LIMA1: variants seen among roughly 807,000 people sequenced by gnomAD.
LIMA1 encodes the protein LIM domain and actin binding 1.
A neutral mutation model predicts 62.6 loss-of-function variants in LIMA1; 52 were observed. The ratio of observed to expected loss-of-function variants is 0.83; its 90% CI spans 0.67 to 1.05. The LOEUF (loss-of-function observed/expected upper bound fraction) is 1.05. Ranked by LOEUF, LIMA1 falls within the 50% of genes least tolerant of loss-of-function variation. The pLI is 0.00. For missense variants in LIMA1, 780 were observed against 902.2 expected, an observed-to-expected ratio of 0.86 and a Z score of 1.74; for synonymous variants, 302 against 317.8, an observed-to-expected ratio of 0.95 and a Z score of 0.53.
chr12:50,191,648 C>T (rs533415156), intron 9 of LIMA1, among the ~76,000 whole-genome samples: 224 of 147,614 alleles, frequency 1.5e-3, no homozygotes, highest in African/African-American at 5.5e-3. Context: ...GGTGAAACCC[C>T]GTCTCTACTA....
chr12:50,222,813 G>GA (rs760759868), intron 3 of LIMA1: 2 of 669,808 alleles, frequency 3.0e-6, no homozygotes, highest in Admixed American at 4.6e-5. Flanking sequence ...GATTAATGGG[G>GA]AAAAAAACAA....
At chr12:50,228,927 G>A (rs542204646) in intron 3 of LIMA1, among the ~76,000 whole-genome samples, 14 of 152,146 alleles carry the variant, frequency 9.2e-5, no homozygotes, top group Admixed American at 1.3e-4. Context: ...CTGCTATATT[G>A]CCCAGGCTGA....
intron 1 of LIMA1, among the ~76,000 whole-genome samples, chr12:50,254,053 G>T (rs1941963413): frequency 6.7e-6 from 1 of 148,410 alleles, no homozygotes; most frequent in South Asian, 2.1e-4. Context: ...AAAAAGAAAG[G>T]TATATTATCT....
chr12:50,186,712 C>T (rs1940639335), intron 9 of LIMA1: 1 of 152,170 alleles, frequency 6.6e-6, no homozygotes, highest in Admixed American at 6.5e-5. Context: ...CTCATGGCCT[C>T]CTAGACATCA....
intron 1 of LIMA1, among the ~76,000 whole-genome samples, chr12:50,251,798 G>C (rs1200821179): frequency 6.6e-6 from 1 of 152,142 alleles, no homozygotes; most frequent in Non-Finnish European, 1.5e-5. Flanking sequence ...TATACAGCTA[G>C]GAGAGGCACA....
intron 7 of LIMA1, among the ~76,000 whole-genome samples, chr12:50,199,510 A>G (rs2138461912): frequency 6.6e-6 from 1 of 152,222 alleles, no homozygotes; most frequent in East Asian, 1.9e-4. Context: ...AGTCAGGTTA[A>G]ATATCTTTGC....
At position 50,176,042 on chromosome 12, in the gene LIMA1, C is replaced by A. The variant is rs931298620; in HGVS notation, c.*1022G>T. On this transcript the variant is annotated 3_prime_UTR_variant, in exon 11 of 11. Coordinates refer to ENST00000341247, the MANE Select transcript of LIMA1 (RefSeq NM_016357.5). ...TAGAAAATCATCCCAAGAAAAAGGC[C>A]TATAGTTGGTTTAATTTCACCCTGA... 2.0e-5 allele frequency: 3 copies of A among 152,064 alleles called. No individual in the cohort carries two copies. Among genetic ancestry groups the A allele is most frequent in the African/African-American group, 7.2e-5 (3 of 41,384 alleles). The allele number at this position is 152,064 out of a possible 1,614,324, so 9.4% of individuals were successfully genotyped here. A position where few individuals can be genotyped will look rare whatever the true frequency, so the allele number is the denominator to read the frequency against.
In LIMA1 at chr12:50,196,087, C is replaced by G. The variant is rs185983765; in HGVS notation, c.973-200G>C. ...TGTCTTTTATGAGGATATTAACATG[C>G]CTCTCAATTACAGAGTAACCCGAGA... On this transcript the variant is annotated intron_variant, in intron 7 of 10. Coordinates refer to ENST00000341247, the MANE Select transcript of LIMA1 (RefSeq NM_016357.5). 1.2e-3 allele frequency: 612 copies of G among 511,412 alleles called. 3 individuals carry two copies. Among genetic ancestry groups the G allele is most frequent in the African/African-American group, 0.01 (519 of 50,706 alleles). The allele number at this position is 511,412 out of a possible 1,614,324, so 31.7% of individuals were successfully genotyped here.
rs771373810 is a variant in LIMA1, at chr12:50,177,285, C to T, written c.2059G>A (p.Asp687Asn). Residue 687 changes from aspartate (D) to asparagine (N), a missense_variant, in exon 11 of 11, where the codon GAT becomes AAT. Asp to Asn is a conservative substitution (Grantham distance 23). Transcript: ENST00000341247. ...ENLVENGADS[D>N]EDDNSFLKQQ... Reference sequence around the variant, plus strand: ...TTGAGGAAGCTGTTATCATCTTCATCGGAGTCTGCACCATTTTCTACAAGA... The same window carrying T: ...TTGAGGAAGCTGTTATCATCTTCATTGGAGTCTGCACCATTTTCTACAAGA... The T allele has an allele frequency of 3.8e-5, 62 of 1,614,082 alleles. 1 individual carries two copies. The Admixed American group carries it at 8.5e-4, about 22-fold the overall frequency.
intron 1 of LIMA1, among the ~76,000 whole-genome samples, chr12:50,270,287 C>T (rs1942192329): frequency 7.1e-6 from 1 of 141,022 alleles, no homozygotes; most frequent in African/African-American, 2.6e-5. Context: ...GTTATCAACG[C>T]ATCAACACCT....
intron 10 of LIMA1, among the ~76,000 whole-genome samples, chr12:50,180,002 T>C (rs1320962395): frequency 6.6e-6 from 1 of 150,648 alleles, no homozygotes; most frequent in Admixed American, 6.6e-5. Context: ...CCATCTCTAC[T>C]AAGAAATACA....
chr12:50,282,110 T>TTTTTTGCC (rs1565868797), intron 1 of LIMA1, among the ~76,000 whole-genome samples: 1 of 152,222 alleles, frequency 6.6e-6, no homozygotes, highest in Non-Finnish European at 1.5e-5. Context: ...ACACACACTT[T>TTTTTTGCC]TTTTTGCCTT....
intron 1 of LIMA1, among the ~76,000 whole-genome samples, chr12:50,277,263 A>T (rs1942287104): frequency 6.6e-6 from 1 of 150,586 alleles, no homozygotes; most frequent in Admixed American, 6.6e-5. Context: ...AACCCCATTC[A>T]ATTTTTTTTT....
intron 1 of LIMA1, among the ~76,000 whole-genome samples, chr12:50,254,831 G>A (rs1941972814): frequency 6.6e-6 from 1 of 151,726 alleles, no homozygotes; most frequent in South Asian, 2.1e-4. Context: ...AGGCTTAGGT[G>A]AGTGGATCAC....
chr12:50,182,360 G>T (rs111451100), intron 9 of LIMA1, among the ~76,000 whole-genome samples: 2 of 149,514 alleles, frequency 1.3e-5, no homozygotes, highest in Non-Finnish European at 3.0e-5. Flanking sequence ...GAAGGGGTCG[G>T]GGGGGGGAGT....
Position 50,192,503 on chromosome 12 carries a change from T to C in LIMA1, c.1089A>G (p.Pro363=). The change falls in exon 9 of 11, where the codon CCA becomes CCG. Residue 363 remains proline, a synonymous_variant. Coordinates refer to ENST00000341247, the MANE Select transcript of LIMA1 (RefSeq NM_016357.5). ...CAGAAAGACTGGAGGCTCTGGAATC[T>C]GGACTTAGTGGCTTGGGATGGACAG... The part of the protein sequence containing the change: ...QQPVHPKPLS[P]DSRASSLSES... 1.9e-6 allele frequency: 3 copies of C among 1,614,168 alleles called. No individual in the cohort carries two copies. In the South Asian group the frequency reaches 3.3e-5, roughly 18 times the overall value.
chr12:50,193,555 CATATATGTATATATGAT>C (rs1940839592), intron 8 of LIMA1, among the ~76,000 whole-genome samples: 1 of 108,372 alleles, frequency 9.2e-6, no homozygotes, highest in African/African-American at 4.1e-5. Flanking sequence ...ACATATATAT[CATATATGTATATATGAT>C]ATATATATAC....
At chr12:50,183,810 CAAAAAAAAA>C (rs34778877) in intron 9 of LIMA1, among the ~76,000 whole-genome samples, 2 of 56,454 alleles carry the variant, frequency 3.5e-5, no homozygotes, top group Non-Finnish European at 6.2e-5. Flanking sequence ...GACTTGGTCT[CAAAAAAAAA>C]AAAAAAAAAA....
rs1485241253 is a variant in LIMA1 at position 50,176,960 on chromosome 12, T to C, written c.*104A>G. The C allele has an allele frequency of 5.5e-6, 5 of 907,094 alleles. No individual in the cohort carries two copies. The highest frequency in any genetic ancestry group is 6.2e-6 in the Non-Finnish European group (4 of 640,210). 56.2% of individuals were successfully genotyped at this position (907,094 alleles called of 1,614,324 possible). On this transcript the variant is annotated 3_prime_UTR_variant, in exon 11 of 11. Coordinates refer to ENST00000341247, the MANE Select transcript of LIMA1 (RefSeq NM_016357.5). ...TTTCCAAAGTTACTTCCAAGTAAAT[T>C]ACATTTCATGCTGGGATACCTGCTT...
Sources: allele counts gnomAD v4.1 joint callset (sites outside exome capture counted in the v4.1 genomes callset), GRCh38; gene constraint gnomAD v4.1.1; transcripts MANE v1.5; gene names NCBI Gene and HGNC (gene_info 2026-07-23, HGNC 2026-07-21).